SAMSN1: variants seen among roughly 807,000 people sequenced by gnomAD.
SAMSN1 encodes the protein SAM domain-containing protein SAMSN-1.
In SAMSN1, 31 loss-of-function variants were observed where a neutral mutation model predicts 42.0. The ratio of observed to expected loss-of-function variants is 0.74; its 90% confidence interval spans 0.55 to 1.00. The LOEUF (loss-of-function observed/expected upper bound fraction) is 1.00, where lower values mean the gene tolerates loss of function less well. Among genes scored for constraint, SAMSN1 ranks in the 50% least tolerant of loss-of-function variants. The pLI, the probability that SAMSN1 is intolerant of heterozygous loss-of-function variation, is 0.00. For synonymous variants in SAMSN1, 178 were observed against 151.9 expected (o/e 1.17, Z -1.26); for missense variants, 464 against 439.4 (o/e 1.06, Z -0.50).
At chr21:14,625,059 C>A (rs936908826) in intron 2 of SAMSN1, among the ~76,000 whole-genome samples, 1 of 152,184 alleles carries the variant, frequency 6.6e-6, no homozygotes, top group African/African-American at 2.4e-5. Flanking sequence ...CAGAAAAGGC[C>A]TTTGACAAGA....
chr21:14,553,198 A>T (rs549951242), intron 2 of SAMSN1, among the ~76,000 whole-genome samples: 1 of 152,184 alleles, frequency 6.6e-6, no homozygotes, highest in African/African-American at 2.4e-5. Flanking sequence ...TTATTTTGTT[A>T]AATCATTAGT....
At chr21:14,649,786 C>T (rs375090503) in intron 1 of SAMSN1, among the ~76,000 whole-genome samples, 62,765 of 149,186 alleles carry the variant, frequency 0.42, 15,184 homozygotes, top group Non-Finnish European at 0.55. Context: ...CACACACACA[C>T]ACACACACAC....
At chr21:14,636,798 A>G (rs887376243) in intron 2 of SAMSN1, among the ~76,000 whole-genome samples, 2 of 152,020 alleles carry the variant, frequency 1.3e-5, no homozygotes, top group Non-Finnish European at 2.9e-5. Flanking sequence ...CTGGGGGTGG[A>G]GCTTGCAGTG....
chr21:14,606,963 A>G (rs148804860), intron 5 of SAMSN1, among the ~76,000 whole-genome samples: 2 of 152,320 alleles, frequency 1.3e-5, no homozygotes, highest in African/African-American at 4.8e-5. Context: ...CTGAAATGCT[A>G]TTAATATAAT....
Position 14,599,739 on chromosome 21 carries a change from T to C in SAMSN1, c.399+2284A>G, listed in dbSNP as rs141874723. On this transcript the variant is annotated intron_variant, in intron 6 of 15. Coordinates refer to the SAMSN1 transcript ENST00000647101. ...GGTCCCCTTCACCTTCAGCCATGAGTGGAAGCAGCCTGAGACCTTCACCAA... is the reference window on the plus strand; with the variant it reads ...GGTCCCCTTCACCTTCAGCCATGAGCGGAAGCAGCCTGAGACCTTCACCAA... Among the ~76,000 whole-genome samples, 1,315 of 152,232 alleles carry C rather than the reference T, an allele frequency of 8.6e-3. 25 individuals are homozygous for C. The highest frequency in any genetic ancestry group is 0.03 in the African/African-American group (1,258 of 41,554).
intron 1 of SAMSN1, among the ~76,000 whole-genome samples, chr21:14,538,747 T>G (rs1979804105): frequency 6.6e-6 from 1 of 152,128 alleles, no homozygotes; most frequent in Non-Finnish European, 1.5e-5. Context: ...ATTGCTAGGA[T>G]CAAATGCAAA....
chr21:14,502,660 T>C (rs1987218201), intron 5 of SAMSN1, among the ~76,000 whole-genome samples: 2 of 152,146 alleles, frequency 1.3e-5, no homozygotes, highest in Non-Finnish European at 1.5e-5. Context: ...CTGTGTTGTG[T>C]TTATTTCCTT....
chr21:14,532,969 G>A (rs957390191), intron 1 of SAMSN1, among the ~76,000 whole-genome samples: 12 of 151,954 alleles, frequency 7.9e-5, no homozygotes, highest in African/African-American at 1.2e-4. Context: ...ACTGGAGTGC[G>A]GTGATGTGAT....
chr21:14,658,636 C>T (rs1413843068), intron 1 of SAMSN1: 6 of 640,836 alleles, frequency 9.4e-6, no homozygotes, highest in African/African-American at 1.8e-5. Context: ...TTCTGAGATG[C>T]TAAGTGTATG....
At chr21:14,543,372 G>T (rs1241374590) in intron 1 of SAMSN1, among the ~76,000 whole-genome samples, 1 of 151,930 alleles carries the variant, frequency 6.6e-6, no homozygotes, top group African/African-American at 2.4e-5. Flanking sequence ...CACTACACAT[G>T]GTAAAACTGT....
At chr21:14,583,396 A>T in exon 1 of SAMSN1, 1 of 405,306 alleles carries the variant, frequency 2.5e-6, no homozygotes, top group South Asian at 3.4e-5. Flanking sequence ...GACACTGCTG[A>T]GCTTCCTCCA....
chr21:14,643,792 G>A (rs1168435711), intron 1 of SAMSN1, among the ~76,000 whole-genome samples: 7 of 152,210 alleles, frequency 4.6e-5, no homozygotes, highest in African/African-American at 1.2e-4. Flanking sequence ...AAACAGTCCC[G>A]AATCTCCGAC....
chr21:14,626,254 G>T (rs534791259), intron 2 of SAMSN1, among the ~76,000 whole-genome samples: 1 of 152,140 alleles, frequency 6.6e-6, no homozygotes, highest in Non-Finnish European at 1.5e-5. Context: ...AAAAGCAATG[G>T]CAACAAAAGC....
intron 1 of SAMSN1, among the ~76,000 whole-genome samples, chr21:14,653,767 A>G (rs1444057749): frequency 6.6e-6 from 1 of 151,966 alleles, no homozygotes; most frequent in African/African-American, 2.4e-5. Context: ...TACTCCATAA[A>G]TATATATACC....
intron 7 of SAMSN1, among the ~76,000 whole-genome samples, chr21:14,493,102 G>C (rs960524694): frequency 6.6e-6 from 1 of 152,142 alleles, no homozygotes; most frequent in African/African-American, 2.4e-5. Flanking sequence ...CATTTGCCCT[G>C]CATCGACTTG....
chr21:14,657,975 C>T (rs1983943184), intron 1 of SAMSN1, among the ~76,000 whole-genome samples: 1 of 151,778 alleles, frequency 6.6e-6, no homozygotes, highest in African/African-American at 2.4e-5. Flanking sequence ...ATCTTACTTT[C>T]CCAAATGAGA....
intron 6 of SAMSN1, among the ~76,000 whole-genome samples, chr21:14,597,090 T>G (rs1982289010): frequency 6.7e-6 from 1 of 149,140 alleles, no homozygotes; most frequent in South Asian, 2.1e-4. Flanking sequence ...AGACTATCAT[T>G]TGGTTGACAC....
chr21:14,562,331 A>G (rs1038465598), intron 2 of SAMSN1, among the ~76,000 whole-genome samples: 1 of 152,154 alleles, frequency 6.6e-6, no homozygotes, highest in Non-Finnish European at 1.5e-5. Context: ...TGTCTATGAA[A>G]CAGACAAACA....
In SAMSN1 at chr21:14,608,288, G is replaced by C. The variant is rs370828115; in HGVS notation, c.322+1194C>G. On this transcript the variant is annotated intron_variant, in intron 5 of 15. Coordinates refer to the SAMSN1 transcript ENST00000647101. ...TGGTAGCATCCTCATGGTGCTGAGA[G>C]AGAATATTTGTGCTTGGGGAAGGGA... Among the ~76,000 whole-genome samples, 73 of 152,328 alleles carry C rather than the reference G, an allele frequency of 4.8e-4. No individual in the cohort carries two copies. The Middle Eastern group carries it at 0.02, about 43-fold the overall frequency.
Sources: allele counts gnomAD v4.1 joint callset (sites outside exome capture counted in the v4.1 genomes callset), GRCh38; gene constraint gnomAD v4.1.1; transcripts MANE v1.5; gene names NCBI Gene and HGNC (gene_info 2026-07-23, HGNC 2026-07-21).